The following CHEK1 variants were observed in gnomAD, a reference collection of about 807,000 sequenced individuals.
CHEK1 encodes checkpoint kinase 1, also known as serine/threonine-protein kinase Chk1.
A neutral mutation model predicts 60.2 loss-of-function variants in CHEK1; 32 were observed. The observed-to-expected ratio is 0.53, with a 90% CI of 0.40 to 0.71. The LOEUF (loss-of-function observed/expected upper bound fraction) is 0.71. Ranked by LOEUF, CHEK1 falls within the 30% of genes least tolerant of loss-of-function variation. The probability of loss-of-function intolerance (pLI) is 0.00; values close to 1 mark genes in which losing one functional copy is unlikely to be tolerated. For missense variants in CHEK1, 399 were observed against 564.6 expected (o/e 0.71, Z 2.97); for synonymous variants, 179 against 187.2 (o/e 0.96, Z 0.36).
rs1373049454 is a variant in CHEK1, at chr11:125,650,479, G to A, written c.1234-3267G>A. 1.4e-4 allele frequency among the ~76,000 whole-genome samples: 18 copies of A among 127,272 alleles called. 1 individual carries two copies. Among genetic ancestry groups the A allele is most frequent in the African/African-American group, 5.4e-4 (18 of 33,276 alleles). The allele number at this position is 127,272 out of a possible 152,430, so 83.5% of individuals were successfully genotyped here. A position where few individuals can be genotyped will look rare whatever the true frequency, so the allele number is the denominator to read the frequency against. ...GTTTGTTTTTTTTTTTTTTTGAGAC[G>A]GAGCTTTGCTCTTGTTGCCCAGGCT... On this transcript the variant is annotated intron_variant, in intron 11 of 12. Coordinates refer to ENST00000438015, the MANE Select transcript of CHEK1 (RefSeq NM_001114122.3).
rs1245738497 is a variant in CHEK1, at chr11:125,655,458, T to G, written c.*138T>G. 3.8e-6 allele frequency: 2 copies of G among 523,894 alleles called. No individual in the cohort carries two copies. The highest frequency in any genetic ancestry group is 3.3e-6 in the Non-Finnish European group (1 of 302,634). The allele number at this position is 523,894 out of a possible 1,614,324, so 32.5% of individuals were successfully genotyped here. A position where few individuals can be genotyped will look rare whatever the true frequency, so the allele number is the denominator to read the frequency against. On this transcript the variant is annotated 3_prime_UTR_variant, in exon 13 of 13. Transcript: ENST00000438015. ...GTTCACTTCCCTGTTTATCCAAACA[T>G]CTTCCAATTTATTTTGTTTGTTCGG...
At chr11:125,628,313 ATACT>A (rs1448861472) in intron 3 of CHEK1, among the ~76,000 whole-genome samples, 1 of 152,218 alleles carries the variant, frequency 6.6e-6, no homozygotes, top group Non-Finnish European at 1.5e-5. Context: ...TTTGCTATTA[ATACT>A]TAAATATTCG....
At chr11:125,672,807 T>C in intron 13 of CHEK1, 2 of 1,505,724 alleles carry the variant, frequency 1.3e-6, no homozygotes, top group Admixed American at 3.8e-5. Flanking sequence ...CCATGCAGGA[T>C]GGTCAAGACC....
At chr11:125,662,929 T>C (rs1049026403) in intron 13 of CHEK1, among the ~76,000 whole-genome samples, 3 of 152,350 alleles carry the variant, frequency 2.0e-5, no homozygotes, top group Non-Finnish European at 4.4e-5. Context: ...TATGTAGTAA[T>C]ATCTCATTGT....
chr11:125,645,014 CCAAA>C (rs774768297), intron 11 of CHEK1, among the ~76,000 whole-genome samples: 7 of 151,970 alleles, frequency 4.6e-5, no homozygotes, highest in Non-Finnish European at 1.0e-4. Context: ...TCAAAGAAAA[CCAAA>C]CAAACATAAA....
Position 125,625,288 on chromosome 11 carries a change from G to GA in CHEK1, c.-739dup. ...AGCATTGTTTTGGAGCTGGTTCACA[G>GA]AAAAAAGGCAAAACTGGTTATCCTG... On this transcript the variant is annotated 5_prime_UTR_variant, in exon 1 of 13. The change creates a premature stop within an existing upstream ORF in the 5' untranslated region. Transcript: ENST00000438015. 4.3e-6 allele frequency: 1 copy of GA among 231,594 alleles called. No individual in the cohort carries two copies. Among genetic ancestry groups the GA allele is most frequent in the East Asian group, 6.2e-5 (1 of 16,146 alleles). The allele number at this position is 231,594 out of a possible 1,614,324, so 14.3% of individuals were successfully genotyped here.
intron 11 of CHEK1, among the ~76,000 whole-genome samples, chr11:125,647,154 T>A (rs1941535325): frequency 6.6e-6 from 1 of 152,148 alleles, no homozygotes; most frequent in Admixed American, 6.5e-5. Flanking sequence ...CTTTGTCCAT[T>A]TTGAGTTAAT....
In CHEK1 at chr11:125,653,044, A is replaced by G. The variant is rs1941792140; in HGVS notation, c.1234-702A>G. Among the ~76,000 whole-genome samples the G allele has an allele frequency of 2.0e-5, 3 of 152,038 alleles. No homozygotes were observed. The highest frequency in any genetic ancestry group is 2.0e-4 in the Admixed American group (3 of 15,256). On this transcript the variant is annotated intron_variant, in intron 11 of 12. Transcript: ENST00000438015. The surrounding 1 kb of genome is among the most constrained non-coding windows in gnomAD (Gnocchi z 4.3). ...ATTAACAGTTTTTTTGTTTCCACAT[A>G]TGAGTGAGAACATGTGATGTTTAAT...
downstream of CHEK1, among the ~76,000 whole-genome samples, chr11:125,659,687 G>A (rs569630242): frequency 1.3e-5 from 2 of 152,072 alleles, no homozygotes; most frequent in Non-Finnish European, 2.9e-5. Context: ...TTTAAAAAAT[G>A]TTTTTATTGA....
chr11:125,642,636 A>C (rs1026403384), intron 8 of CHEK1, among the ~76,000 whole-genome samples: 6 of 152,202 alleles, frequency 3.9e-5, no homozygotes, highest in Non-Finnish European at 7.3e-5. Flanking sequence ...TGACAGTCTA[A>C]GAGAAAGGAA....
chr11:125,644,182 G>A lies in CHEK1; in HGVS notation c.1015G>A (p.Val339Ile). 1 of 1,614,090 alleles carries A rather than the reference G, an allele frequency of 6.2e-7. No individual in the cohort carries two copies. The highest frequency in any genetic ancestry group is 8.5e-7 in the Non-Finnish European group (1 of 1,180,012). ...DTSPSYIDKL[V>I]QGISFSQPTC... ...CAGCCCCTCATACATTGATAAATTGGTACAAGGGATCAGCTTTTCCCAGCC... is the reference window on the plus strand; with the variant it reads ...CAGCCCCTCATACATTGATAAATTGATACAAGGGATCAGCTTTTCCCAGCC... Residue 339 changes from valine to isoleucine, a missense_variant, in exon 10 of 13, where the codon GTA (valine) becomes ATA (isoleucine). Around this residue, in one of 2 missense-constraint regions of CHEK1, gnomAD observed 370 missense variants for 494.8 expected, o/e 0.75. Coordinates refer to ENST00000438015, the MANE Select transcript of CHEK1 (RefSeq NM_001114122.3).
rs575893536 is a variant in CHEK1, at chr11:125,637,368, A to C, written c.719-81A>C. On this transcript the variant is annotated intron_variant, in intron 7 of 12. Transcript: ENST00000438015. Reference sequence around the variant, plus strand: ...AATATTTAGACATAAGTAGGCTAACAGAAAATGTGTTTCTTACCTCAAGCC... The same window carrying C: ...AATATTTAGACATAAGTAGGCTAACCGAAAATGTGTTTCTTACCTCAAGCC... 52 of 1,043,438 alleles carry C rather than the reference A, an allele frequency of 5.0e-5. No homozygotes were observed. In the African/African-American group the frequency reaches 5.7e-4, roughly 11 times the overall value. The allele number at this position is 1,043,438 out of a possible 1,614,324, so 64.6% of individuals were successfully genotyped here. A position where few individuals can be genotyped will look rare whatever the true frequency, so the allele number is the denominator to read the frequency against.
At chr11:125,667,935 A>C (rs1332505529) in intron 13 of CHEK1, among the ~76,000 whole-genome samples, 1 of 152,074 alleles carries the variant, frequency 6.6e-6, no homozygotes, top group Non-Finnish European at 1.5e-5. Flanking sequence ...TTTTTAAAAG[A>C]GTTTCCAGTA....
At chr11:125,626,713 C>T (rs189276906) in intron 1 of CHEK1, 36 bp from the exon 2 acceptor site, 15 of 1,599,208 alleles carry the variant, frequency 9.4e-6, no homozygotes, top group East Asian at 2.2e-5. Context: ...GGTGATCTTA[C>T]ACTCTACATC....
intron 11 of CHEK1, among the ~76,000 whole-genome samples, chr11:125,650,827 G>A (rs1234507566): frequency 7.4e-6 from 1 of 134,732 alleles, no homozygotes; most frequent in Non-Finnish European, 1.6e-5. Flanking sequence ...GCTAATGATT[G>A]GACAGAGATT....
chr11:125,664,660 A>T (rs571711846), intron 13 of CHEK1, among the ~76,000 whole-genome samples: 16 of 152,316 alleles, frequency 1.1e-4, no homozygotes, highest in Non-Finnish European at 2.1e-4. Context: ...TGAGTTTCAT[A>T]TGAATTCTGG....
intron 3 of CHEK1, 68 bp downstream of exon 3, chr11:125,627,898 G>A (rs1331138667): frequency 8.0e-7 from 1 of 1,245,184 alleles, no homozygotes; most frequent in African/African-American, 1.5e-5. Flanking sequence ...TCTTGGGCAT[G>A]CTATTTGGTC....
At chr11:125,635,385 A>T (rs546879188) in intron 6 of CHEK1, 44 bp from the exon 7 acceptor site, 3 of 1,161,212 alleles carry the variant, frequency 2.6e-6, no homozygotes, top group Middle Eastern at 2.0e-4. Context: ...TGAAATCTTT[A>T]TAATAAGAAC....
At chr11:125,657,698 T>G (rs1423796955), downstream of CHEK1, among the ~76,000 whole-genome samples, 2 of 152,206 alleles carry the variant, frequency 1.3e-5, no homozygotes, top group Non-Finnish European at 2.9e-5. Flanking sequence ...TTATATAGGA[T>G]GTATTTATGA....
Sources: allele counts gnomAD v4.1 joint callset (sites outside exome capture counted in the v4.1 genomes callset), GRCh38; gene constraint gnomAD v4.1.1; regional missense constraint gnomAD v4.1.1; non-coding constraint Gnocchi (gnomAD v3.1); transcripts MANE v1.5; gene names NCBI Gene and HGNC (gene_info 2026-07-23, HGNC 2026-07-21).